IQGAP1: variants seen among roughly 807,000 people sequenced by gnomAD.
IQGAP1 encodes ras GTPase-activating-like protein IQGAP1.
IQGAP1 carries 66 observed loss-of-function variants against 215.6 expected under a neutral mutation model. That is an observed-to-expected ratio of 0.31 (90% CI 0.25 to 0.38). IQGAP1 has a LOEUF of 0.38. IQGAP1 is among the 10% of genes least tolerant of loss of function. The probability of loss-of-function intolerance (pLI) is 1.00; values close to 1 mark genes in which losing one functional copy is unlikely to be tolerated. For synonymous variants in IQGAP1, 772 were observed against 728.7 expected (o/e 1.06, Z -0.96); for missense variants, 1,712 against 1,997.1 (o/e 0.86, Z 2.72).
At chr15:90,403,852 T>A (rs770853614) in intron 2 of IQGAP1, among the ~76,000 whole-genome samples, 1 of 152,172 alleles carries the variant, frequency 6.6e-6, no homozygotes, top group Admixed American at 6.5e-5. Flanking sequence ...TTTTTGTATT[T>A]TTAGTAGAGA....
rs1011250603 is a variant in IQGAP1, at chr15:90,484,344, A to G, written c.3913A>G (p.Thr1305Ala). The G allele has an allele frequency of 6.2e-7, 1 of 1,610,344 alleles. No homozygotes were observed. Among genetic ancestry groups the G allele is most frequent in the South Asian group, 1.1e-5 (1 of 90,618 alleles). Residue 1305 changes from threonine (T) to alanine (A), a missense_variant, in exon 30 of 38, where the codon ACC (threonine) becomes GCC (alanine). Around this residue, in one of 2 missense-constraint regions of IQGAP1, gnomAD observed 691 missense variants for 923.0 expected, o/e 0.75. Transcript: ENST00000268182. ...IYISIGEIIN[T>A]HTLLLDHQDA... ...CATTTCCATTGGTGAAATCATCAAC[A>G]CCCACACTGTAAGTATTTTTCTTTA...
At position 90,484,223 on chromosome 15, in the gene IQGAP1, G is replaced by A. The variant is rs149769027; in HGVS notation, c.3792G>A (p.Arg1264=). The change falls in exon 30 of 38, where the codon CGG becomes CGA. Residue 1264 remains arginine, a synonymous_variant. Coordinates refer to ENST00000268182, the MANE Select transcript of IQGAP1 (RefSeq NM_003870.4). ...YLSQSYQKFR[R]FFQTACDVPE... is the part of the protein sequence containing the mutation. The stretch of plus-strand genomic sequence containing the variant: ...CTGCCTCCTGTGCTTATTTCAGACG[G>A]TTTTTCCAAACTGCTTGTGATGTCC... 3 of 1,613,122 alleles carry A rather than the reference G, an allele frequency of 1.9e-6. No homozygotes were observed. The highest frequency in any genetic ancestry group is 2.7e-5 in the African/African-American group (2 of 74,834).
intron 18 of IQGAP1, among the ~76,000 whole-genome samples, chr15:90,468,473 C>G (rs16944473): frequency 0.2 from 30,309 of 152,186 alleles, 4,084 homozygotes; most frequent in African/African-American, 0.38. Flanking sequence ...GATGTCTCTC[C>G]CCTGCCATCT....
At chr15:90,481,357 G>A (rs772580334) in intron 26 of IQGAP1, among the ~76,000 whole-genome samples, 20 of 146,586 alleles carry the variant, frequency 1.4e-4, no homozygotes, top group Admixed American at 9.7e-4. Flanking sequence ...GGGAATGCTA[G>A]CATGTGCTGC....
intron 2 of IQGAP1, among the ~76,000 whole-genome samples, chr15:90,394,067 A>T (rs2151694255): frequency 6.8e-6 from 1 of 146,194 alleles, no homozygotes; most frequent in Non-Finnish European, 1.5e-5. Flanking sequence ...CCCGGGAGGC[A>T]GAGCTTGCGG....
At chr15:90,474,840 T>C in intron 23 of IQGAP1, 147 bp downstream of exon 23, 1 of 619,966 alleles carries the variant, frequency 1.6e-6, no homozygotes, top group Non-Finnish European at 2.8e-6. Context: ...TTTGACTGAG[T>C]CTCACTCTGT....
intron 2 of IQGAP1, among the ~76,000 whole-genome samples, chr15:90,424,619 C>A (rs1440623044): frequency 6.6e-6 from 1 of 151,504 alleles, no homozygotes; most frequent in Non-Finnish European, 1.5e-5. Flanking sequence ...GGTGGATCAC[C>A]TGAGGTCAGG....
chr15:90,494,982 C>T (rs1966252547), intron 36 of IQGAP1, 147 bp downstream of exon 36: 1 of 516,336 alleles, frequency 1.9e-6, no homozygotes, highest in South Asian at 2.6e-5. Flanking sequence ...AATTAGGCCT[C>T]ATACTCAGAG....
chr15:90,392,561 A>G (rs550651472), intron 2 of IQGAP1, among the ~76,000 whole-genome samples: 7 of 152,164 alleles, frequency 4.6e-5, no homozygotes, highest in South Asian at 4.2e-4. Context: ...CTTTTGTTTT[A>G]CTGTTGAATT....
At chr15:90,440,413 C>A in intron 6 of IQGAP1, 89 bp from the exon 7 acceptor site, 1 of 858,018 alleles carries the variant, frequency 1.2e-6, no homozygotes, top group Non-Finnish European at 1.9e-6. Flanking sequence ...GCCATTTTAT[C>A]CCATTGCATA....
intron 2 of IQGAP1, among the ~76,000 whole-genome samples, chr15:90,409,341 G>A (rs549313371): frequency 2.7e-5 from 4 of 149,270 alleles, no homozygotes; most frequent in African/African-American, 7.4e-5. Context: ...GGCTTCAAGC[G>A]ATTCTCCTGC....
chr15:90,491,026 G>T (rs868227911), intron 33 of IQGAP1, among the ~76,000 whole-genome samples: 1 of 152,132 alleles, frequency 6.6e-6, no homozygotes, highest in Non-Finnish European at 1.5e-5. Flanking sequence ...AGTCAGGATG[G>T]TCTTGAACTC....
At chr15:90,461,341 C>T (rs1402036743) in intron 15 of IQGAP1, among the ~76,000 whole-genome samples, 1 of 151,942 alleles carries the variant, frequency 6.6e-6, no homozygotes, top group Non-Finnish European at 1.5e-5. Flanking sequence ...TGCCAGTGTA[C>T]CAATGTTTTT....
chr15:90,478,905 A>T (rs896936139), intron 26 of IQGAP1, among the ~76,000 whole-genome samples: 1 of 152,366 alleles, frequency 6.6e-6, no homozygotes, highest in Middle Eastern at 3.4e-3. Flanking sequence ...AGCTAGGGCC[A>T]TAGCGTAACC....
chr15:90,445,742 A>C (rs187820250), intron 9 of IQGAP1, among the ~76,000 whole-genome samples: 1 of 152,316 alleles, frequency 6.6e-6, no homozygotes, highest in African/African-American at 2.4e-5. Flanking sequence ...TGGAGGGCCA[A>C]ATTTCTCATT....
Position 90,477,752 on chromosome 15 carries a change from C to T in IQGAP1, c.3192C>T (p.Gly1064=), listed in dbSNP as rs1966000353. The change falls in exon 26 of 38, where the codon GGC becomes GGT. Residue 1064 remains glycine, a synonymous_variant. Coordinates refer to ENST00000268182, the MANE Select transcript of IQGAP1 (RefSeq NM_003870.4). ...MVVSFNRGAR[G]QNALRQILAP... The stretch of plus-strand genomic sequence containing the variant: ...TAAGTTTCAACCGTGGTGCCCGTGG[C>T]CAGAATGCCCTGAGACAGATCTTGG... The T allele has an allele frequency of 6.2e-7, 1 of 1,613,734 alleles. No individual in the cohort carries two copies. The highest frequency in any genetic ancestry group is 8.5e-7 in the Non-Finnish European group (1 of 1,179,780).
chr15:90,494,673 A>T, intron 35 of IQGAP1, 40 bp from the exon 36 acceptor site: 1 of 1,557,258 alleles, frequency 6.4e-7, no homozygotes, highest in Non-Finnish European at 8.7e-7. Flanking sequence ...TTCAGAGTAG[A>T]TGGTTACTTA....
chr15:90,492,703 C>A lies in IQGAP1; in HGVS notation c.4620C>A (p.Ser1540Arg), dbSNP rs1448485546. 1.2e-6 allele frequency: 2 copies of A among 1,608,390 alleles called. No homozygotes were observed. Among genetic ancestry groups the A allele is most frequent in the South Asian group, 2.2e-5 (2 of 89,564 alleles). ...YIKTCLDNLA[S>R]KGKVSKKPRE... Reference sequence around the variant, plus strand: ...AAACCTGCTTGGATAACTTAGCCAGCAAGGGCAAGTGAGTATTTTTTCTTT... The same window carrying A: ...AAACCTGCTTGGATAACTTAGCCAGAAAGGGCAAGTGAGTATTTTTTCTTT... The change falls in exon 35 of 38, where the codon AGC (serine) becomes AGA (arginine). Residue 1540 changes from serine (S) to arginine (R), a missense_variant. Physicochemically the swap from Ser to Arg is moderately radical, Grantham distance 110. Transcript: ENST00000268182.
chr15:90,471,802 T>C (rs1432043274), intron 18 of IQGAP1, among the ~76,000 whole-genome samples: 4 of 150,386 alleles, frequency 2.7e-5, no homozygotes, highest in Non-Finnish European at 5.9e-5. Flanking sequence ...GCCTGGCCAC[T>C]CGTGGAGTCT....
Sources: gnomAD v4.1 joint callset for allele counts (sites outside exome capture counted in the v4.1 genomes callset) on GRCh38, gnomAD v4.1.1 for gene constraint, gnomAD v4.1.1 regional missense constraint, MANE v1.5 for transcripts, NCBI Gene and HGNC (gene_info 2026-07-23, HGNC 2026-07-21) for gene names.